Variants in SPTLC3 observed in about 807,000 individuals in gnomAD.
SPTLC3 encodes the protein serine palmitoyltransferase long chain base subunit 3.
In SPTLC3, 36 loss-of-function variants were observed where a neutral mutation model predicts 59.3. The ratio of observed to expected loss-of-function variants is 0.61; its 90% CI spans 0.47 to 0.80. The LOEUF (loss-of-function observed/expected upper bound fraction) is 0.80, where lower values mean the gene tolerates loss of function less well. Among genes scored for constraint, SPTLC3 ranks in the 30% least tolerant of loss-of-function variants. SPTLC3 has a pLI of 0.00. For missense variants in SPTLC3, 625 were observed against 685.1 expected, an observed-to-expected ratio of 0.91 and a Z score of 0.98; for synonymous variants, 257 against 240.8, an observed-to-expected ratio of 1.07 and a Z score of -0.62.
intron 9 of SPTLC3, among the ~76,000 whole-genome samples, chr20:13,149,396 C>T (rs932790000): frequency 1.3e-5 from 2 of 152,184 alleles, no homozygotes; most frequent in Admixed American, 1.3e-4. Flanking sequence ...TCTCAAAGCC[C>T]AACATAATTA....
intron 1 of SPTLC3, among the ~76,000 whole-genome samples, chr20:13,045,437 T>G (rs756000926): frequency 5.9e-5 from 9 of 152,220 alleles, no homozygotes; most frequent in Non-Finnish European, 1.2e-4. Context: ...GGATGAAATT[T>G]TATATTTCAA....
intron 2 of SPTLC3, among the ~76,000 whole-genome samples, chr20:13,058,375 A>G (rs576035108): frequency 6.6e-6 from 1 of 151,240 alleles, no homozygotes; most frequent in Non-Finnish European, 1.5e-5. Flanking sequence ...CATAGATCCG[A>G]ACCCAAAGTT....
intron 9 of SPTLC3, among the ~76,000 whole-genome samples, chr20:13,149,855 T>C (rs1474452020): frequency 1.3e-5 from 2 of 152,192 alleles, no homozygotes; most frequent in Non-Finnish European, 2.9e-5. Context: ...CAATGATAGA[T>C]GAATCTTTAT....
At chr20:13,087,293 T>C (rs967593416) in intron 4 of SPTLC3, among the ~76,000 whole-genome samples, 54 of 152,140 alleles carry the variant, frequency 3.5e-4, no homozygotes, top group African/African-American at 1.3e-3. Flanking sequence ...TTGGAAAGAT[T>C]AACGGTGGAG....
At chr20:13,056,011 C>T (rs1454675876) in intron 2 of SPTLC3, among the ~76,000 whole-genome samples, 1 of 152,090 alleles carries the variant, frequency 6.6e-6, no homozygotes, top group Non-Finnish European at 1.5e-5. Context: ...AGGAAGATCC[C>T]TTCAGACCCA....
chr20:13,049,099 G>A lies in SPTLC3; in HGVS notation c.272G>A (p.Cys91Tyr). The A allele has an allele frequency of 6.2e-7, 1 of 1,613,730 alleles. No individual in the cohort carries two copies. The highest frequency in any genetic ancestry group is 1.1e-5 in the South Asian group (1 of 91,028). Residue 91 changes from cysteine to tyrosine, a missense_variant, in exon 2 of 12, where the codon TGC becomes TAC. By Grantham distance (194) the Cys-to-Tyr change is radical (BLOSUM62 -2). Transcript: ENST00000399002. The stretch of plus-strand genomic sequence containing the variant: ...TTAAGAAACTGGGGAATAGAAAAAT[G>A]CAACGCAGCTGTGGAAAGAAAAGAA... ...DFLRNWGIEK[C>Y]NAAVERKEQK...
intron 2 of SPTLC3, among the ~76,000 whole-genome samples, chr20:13,069,190 C>G (rs62201744): frequency 0.023 from 3,565 of 152,222 alleles, 54 homozygotes; most frequent in Non-Finnish European, 0.038. Flanking sequence ...GGGTTTTTGT[C>G]ATCACTGGTG....
At chr20:13,093,741 C>T (rs1461132872) in intron 6 of SPTLC3, among the ~76,000 whole-genome samples, 164 bp downstream of exon 6, 2 of 152,148 alleles carry the variant, frequency 1.3e-5, no homozygotes, top group African/African-American at 4.8e-5. Context: ...TGACCTGGAA[C>T]AAATGGTTGA....
intron 6 of SPTLC3, among the ~76,000 whole-genome samples, chr20:13,096,275 A>G (rs1316676566): frequency 6.6e-6 from 1 of 152,148 alleles, no homozygotes; most frequent in East Asian, 1.9e-4. Flanking sequence ...CTATACCTAG[A>G]TATTTACCCA....
intron 2 of SPTLC3, among the ~76,000 whole-genome samples, chr20:13,063,064 C>T (rs1988035647): frequency 1.3e-5 from 2 of 152,196 alleles, no homozygotes; most frequent in Non-Finnish European, 2.9e-5. Flanking sequence ...ATGCATGCTT[C>T]CTTGCCAGCA....
rs559747658 is a variant in SPTLC3 at position 13,164,553 on chromosome 20, T to C, written c.1546-201T>C. The stretch of plus-strand genomic sequence containing the variant: ...CATAGTATGGAGTTAGACCACTAAA[T>C]AAAATTAATTAGCATCTAACATTCC... On this transcript the variant is annotated intron_variant, in intron 11 of 11. Transcript: ENST00000399002. 153 of 588,238 alleles carry C rather than the reference T, an allele frequency of 2.6e-4. No homozygotes were observed. The African/African-American group carries it at 2.7e-3, about 10-fold the overall frequency. 36.4% of individuals were successfully genotyped at this position (588,238 alleles called of 1,614,324 possible).
intron 1 of SPTLC3, among the ~76,000 whole-genome samples, chr20:13,029,674 T>G (rs1986331834): frequency 6.6e-6 from 1 of 152,176 alleles, no homozygotes; most frequent in Admixed American, 6.5e-5. Flanking sequence ...AAGGCTTTCA[T>G]GAAAAGTAAA....
chr20:13,050,190 A>G (rs1187049487), intron 2 of SPTLC3: 1 of 152,214 alleles, frequency 6.6e-6, no homozygotes, highest in Non-Finnish European at 1.5e-5. Context: ...AAATGTTACA[A>G]GAAGTGAAGA....
intron 9 of SPTLC3, among the ~76,000 whole-genome samples, chr20:13,138,222 C>G (rs1467638612): frequency 6.6e-6 from 1 of 152,166 alleles, no homozygotes; most frequent in Non-Finnish European, 1.5e-5. Flanking sequence ...GACACTGTCC[C>G]CAAACTGAAG....
At chr20:13,067,714 AAAG>A (rs1568586510) in intron 2 of SPTLC3, among the ~76,000 whole-genome samples, 1 of 152,012 alleles carries the variant, frequency 6.6e-6, no homozygotes, top group Non-Finnish European at 1.5e-5. Context: ...CTTATACTTC[AAAG>A]AACTACTGTA....
chr20:13,064,934 A>T (rs978878308), intron 2 of SPTLC3, among the ~76,000 whole-genome samples: 2 of 152,158 alleles, frequency 1.3e-5, no homozygotes, highest in East Asian at 3.8e-4. Flanking sequence ...TAATCATGAC[A>T]TAATTTGAAT....
intron 8 of SPTLC3, among the ~76,000 whole-genome samples, chr20:13,118,456 A>G (rs901587537): frequency 6.6e-6 from 1 of 151,346 alleles, no homozygotes; most frequent in African/African-American, 2.4e-5. Flanking sequence ...GTGGAAAAAA[A>G]AAACAAAAAA....
At chr20:13,108,297 CA>C (rs1990021275) in intron 6 of SPTLC3, among the ~76,000 whole-genome samples, 1 of 152,216 alleles carries the variant, frequency 6.6e-6, no homozygotes, top group Non-Finnish European at 1.5e-5. Context: ...AACTCTATTT[CA>C]AAGAACTATC....
intron 10 of SPTLC3, 78 bp downstream of exon 10, chr20:13,154,216 T>G (rs1014086817): frequency 6.4e-7 from 1 of 1,563,874 alleles, no homozygotes; most frequent in South Asian, 1.2e-5. Flanking sequence ...AGGCGTTAGA[T>G]TATGCATCTG....
Sources: allele counts gnomAD v4.1 joint callset (sites outside exome capture counted in the v4.1 genomes callset), GRCh38; gene constraint gnomAD v4.1.1; transcripts MANE v1.5; gene names NCBI Gene and HGNC (gene_info 2026-07-23, HGNC 2026-07-21).